Variants in CHRM2 observed in about 807,000 individuals in gnomAD.
The protein encoded by CHRM2 is muscarinic acetylcholine receptor M2.
In CHRM2, 8 loss-of-function variants were observed where a neutral mutation model predicts 25.0. That is an observed-to-expected ratio of 0.32 (90% CI 0.19 to 0.58). The LOEUF is 0.58. CHRM2 is among the 20% of genes least tolerant of loss of function. CHRM2 has a pLI of 0.88. For missense variants in CHRM2, 440 were observed against 567.1 expected (o/e 0.78, Z 2.28); for synonymous variants, 202 against 205.7 (o/e 0.98, Z 0.15).
chr7:136,977,594 G>A (rs1563102845), intron 2 of CHRM2, among the ~76,000 whole-genome samples: 1 of 152,162 alleles, frequency 6.6e-6, no homozygotes, highest in African/African-American at 2.4e-5. Flanking sequence ...GTTTCTCACA[G>A]AAATTACTTT....
intron 2 of CHRM2, among the ~76,000 whole-genome samples, chr7:136,955,785 A>C (rs1800689043): frequency 6.6e-6 from 1 of 152,196 alleles, no homozygotes; most frequent in Admixed American, 6.6e-5. Flanking sequence ...TATTATCATA[A>C]AATGAAGTTG....
At chr7:136,880,718 C>T (rs992118835) in intron 2 of CHRM2, among the ~76,000 whole-genome samples, 1 of 151,796 alleles carries the variant, frequency 6.6e-6, no homozygotes, top group African/African-American at 2.4e-5. Flanking sequence ...CCCACACACA[C>T]CTACTCCCTT....
At chr7:136,884,556 G>A (rs1346320893) in intron 2 of CHRM2, among the ~76,000 whole-genome samples, 1 of 151,766 alleles carries the variant, frequency 6.6e-6, no homozygotes. Flanking sequence ...GAAGCAATTG[G>A]TGGTGAGTTG....
chr7:136,948,144 C>G (rs2130844140), intron 2 of CHRM2, among the ~76,000 whole-genome samples: 1 of 152,152 alleles, frequency 6.6e-6, no homozygotes, highest in Non-Finnish European at 1.5e-5. Flanking sequence ...CAGCAAAGAG[C>G]CAGTGGCCCA....
intron 2 of CHRM2, among the ~76,000 whole-genome samples, chr7:136,988,743 G>T (rs976111161): frequency 6.6e-6 from 1 of 152,096 alleles, no homozygotes; most frequent in Admixed American, 6.6e-5. Flanking sequence ...AAAGCACCAA[G>T]TGCATCTAGA....
At chr7:136,967,776 A>G (rs1162439724) in intron 2 of CHRM2, among the ~76,000 whole-genome samples, 1 of 151,870 alleles carries the variant, frequency 6.6e-6, no homozygotes, top group Non-Finnish European at 1.5e-5. Context: ...TCCTGTGTCC[A>G]TGGTATGAGT....
intron 2 of CHRM2, among the ~76,000 whole-genome samples, chr7:136,978,217 A>G (rs1412759045): frequency 6.6e-6 from 1 of 152,168 alleles, no homozygotes; most frequent in African/African-American, 2.4e-5. Flanking sequence ...CTGAATCTAA[A>G]ATCAAACTTA....
Position 137,016,412 on chromosome 7 carries a change from C to T in CHRM2, c.*146C>T, listed in dbSNP as rs1805193716. 2 of 845,064 alleles carry T rather than the reference C, an allele frequency of 2.4e-6. No homozygotes were observed. Among genetic ancestry groups the T allele is most frequent in the Non-Finnish European group, 3.8e-6 (2 of 527,998 alleles). 52.3% of individuals were successfully genotyped at this position (845,064 alleles called of 1,614,324 possible). On this transcript the variant is annotated 3_prime_UTR_variant, in exon 4 of 4. Coordinates refer to ENST00000680005, the MANE Select transcript of CHRM2 (RefSeq NM_001006630.2). ...AATTCAGGAGCCCAGCAGTGACACA[C>T]TTATCACGCCTAGGCTCCAGTTTGC...
chr7:136,919,055 A>G (rs180921806), intron 2 of CHRM2, among the ~76,000 whole-genome samples: 2 of 152,248 alleles, frequency 1.3e-5, no homozygotes, highest in East Asian at 1.9e-4. Context: ...GGCAGAAAAG[A>G]ATCGGCCATT....
intron 3 of CHRM2, among the ~76,000 whole-genome samples, chr7:136,995,219 G>C (rs1803515234): frequency 6.6e-6 from 1 of 151,908 alleles, no homozygotes. Flanking sequence ...ATCACAATTA[G>C]AAATATAGTG....
chr7:136,934,675 G>T (rs1434049661), intron 2 of CHRM2, among the ~76,000 whole-genome samples: 2 of 151,954 alleles, frequency 1.3e-5, no homozygotes, highest in African/African-American at 4.8e-5. Flanking sequence ...GATATTGGAA[G>T]GATAGGGTTT....
intron 2 of CHRM2, among the ~76,000 whole-genome samples, chr7:136,934,788 GT>G (rs1368664852): frequency 6.6e-6 from 1 of 151,508 alleles, no homozygotes; most frequent in East Asian, 1.9e-4. Context: ...TAATAGAAGA[GT>G]TCTGTAAGCT....
intron 2 of CHRM2, among the ~76,000 whole-genome samples, chr7:136,888,278 A>G (rs1796548562): frequency 1.3e-5 from 2 of 152,166 alleles, no homozygotes; most frequent in Admixed American, 1.3e-4. Context: ...ATAGGAGCCA[A>G]ATTCCCCTCT....
At position 137,016,473 on chromosome 7, in the gene CHRM2, C is replaced by A. The variant is rs1805197896; in HGVS notation, c.*207C>A. The A allele has an allele frequency of 5.3e-6, 3 of 569,228 alleles. No homozygotes were observed. The highest frequency in any genetic ancestry group is 6.1e-5 in the Admixed American group (2 of 32,524). 35.3% of individuals were successfully genotyped at this position (569,228 alleles called of 1,614,324 possible). ...CCTTATAAACTGTCAGTATTAGGAG[C>A]AATGAGACAATGAAAGAAACATGTT... is the stretch of plus-strand genomic sequence containing the variant. On this transcript the variant is annotated 3_prime_UTR_variant, in exon 4 of 4. Transcript: ENST00000680005.
intron 2 of CHRM2, among the ~76,000 whole-genome samples, chr7:136,877,612 A>G (rs546630215): frequency 2.6e-5 from 4 of 152,140 alleles, no homozygotes; most frequent in African/African-American, 9.6e-5. Context: ...GGAGTTAGAG[A>G]AAGTGAGAGA....
intron 2 of CHRM2, among the ~76,000 whole-genome samples, chr7:136,900,070 A>G (rs1797112481): frequency 6.6e-6 from 1 of 152,118 alleles, no homozygotes; most frequent in African/African-American, 2.4e-5. Flanking sequence ...AAGTAAAAAC[A>G]AACTCACATA....
intron 2 of CHRM2, among the ~76,000 whole-genome samples, chr7:136,935,799 G>C (rs1799379377): frequency 6.6e-6 from 1 of 152,128 alleles, no homozygotes; most frequent in Non-Finnish European, 1.5e-5. Context: ...GTCTAGGTTA[G>C]AACAGGGAAC....
At chr7:136,878,753 C>T (rs1269036741) in intron 2 of CHRM2, among the ~76,000 whole-genome samples, 1 of 151,870 alleles carries the variant, frequency 6.6e-6, no homozygotes, top group East Asian at 1.9e-4. Context: ...CTTGTTGACA[C>T]TAAACAACTT....
chr7:136,870,590 C>G (rs1221197158), intron 2 of CHRM2: 1 of 152,504 alleles, frequency 6.6e-6, no homozygotes, highest in South Asian at 2.1e-4. Flanking sequence ...TCCACCGACC[C>G]GCCAGTCCCT....
Sources: allele counts gnomAD v4.1 joint callset (sites outside exome capture counted in the v4.1 genomes callset), GRCh38; gene constraint gnomAD v4.1.1; transcripts MANE v1.5; gene names NCBI Gene and HGNC (gene_info 2026-07-23, HGNC 2026-07-21).